Variants in DCC observed in about 807,000 individuals in gnomAD.
DCC encodes the protein DCC netrin 1 receptor, also known as netrin receptor DCC.
DCC carries 58 observed loss-of-function variants against 172.5 expected under a neutral mutation model. The observed-to-expected ratio is 0.34, with a 90% CI of 0.27 to 0.42. The LOEUF (loss-of-function observed/expected upper bound fraction) is 0.42. DCC is among the 10% of genes least tolerant of loss of function. DCC has a pLI of 1.00. For missense variants in DCC, 1,740 were observed against 1,791.0 expected (o/e 0.97, Z 0.51); for synonymous variants, 709 against 644.5 (o/e 1.10, Z -1.52).
chr18:52,780,027 A>T (rs1174200966), intron 2 of DCC, among the ~76,000 whole-genome samples: 2 of 151,356 alleles, frequency 1.3e-5, no homozygotes, highest in African/African-American at 2.4e-5. Flanking sequence ...GGGATTTCCA[A>T]TCTATGGATA....
chr18:52,678,923 T>A (rs2035693427), intron 1 of DCC, among the ~76,000 whole-genome samples: 1 of 152,030 alleles, frequency 6.6e-6, no homozygotes, highest in African/African-American at 2.4e-5. Flanking sequence ...ATTCACATAC[T>A]CCTCTTCATT....
chr18:52,686,917 C>T (rs1221324588), intron 1 of DCC, among the ~76,000 whole-genome samples: 1 of 152,034 alleles, frequency 6.6e-6, no homozygotes, highest in African/African-American at 2.4e-5. Context: ...TGTATTCTGA[C>T]TTGATGTCAT....
intron 1 of DCC, among the ~76,000 whole-genome samples, chr18:52,499,349 T>C (rs2030933486): frequency 6.6e-6 from 1 of 152,154 alleles, no homozygotes; most frequent in Admixed American, 6.5e-5. Flanking sequence ...GGGGGAAATG[T>C]GGATGTGAAG....
At chr18:53,226,844 TA>T (rs2056036471) in intron 12 of DCC, among the ~76,000 whole-genome samples, 1 of 150,000 alleles carries the variant, frequency 6.7e-6, no homozygotes, top group Admixed American at 6.7e-5. Flanking sequence ...ATTATTAACT[TA>T]AATAGTAAAT....
At chr18:52,651,011 CT>C (rs1490915693) in intron 1 of DCC, among the ~76,000 whole-genome samples, 1 of 152,098 alleles carries the variant, frequency 6.6e-6, no homozygotes, top group Non-Finnish European at 1.5e-5. Flanking sequence ...TGCTTTCATT[CT>C]TTTTTTATGA....
chr18:52,969,427 C>T (rs1174590733), intron 5 of DCC, among the ~76,000 whole-genome samples: 1 of 152,018 alleles, frequency 6.6e-6, no homozygotes, highest in Non-Finnish European at 1.5e-5. Context: ...TCATTCTTTC[C>T]CCTCACTTCC....
intron 1 of DCC, among the ~76,000 whole-genome samples, chr18:52,571,481 A>G (rs1225499304): frequency 6.6e-6 from 1 of 152,068 alleles, no homozygotes; most frequent in East Asian, 1.9e-4. Flanking sequence ...AAATTGATAG[A>G]ACAAAACTTT....
rs117572729 is a variant in DCC at position 52,395,748 on chromosome 18, G to A, written c.91+54870G>A. On this transcript the variant is annotated intron_variant, in intron 1 of 28. Coordinates refer to ENST00000442544, the MANE Select transcript of DCC (RefSeq NM_005215.4). ...CCAATGTTATTCTCCCAGATTTGGG[G>A]CATCACATCTATTACGGGTCATGGC... Among the ~76,000 whole-genome samples, 19 of 152,054 alleles carry A rather than the reference G, an allele frequency of 1.2e-4. 1 individual carries two copies. In the East Asian group the frequency reaches 3.3e-3, roughly 27 times the overall value.
At chr18:52,396,242 T>C (rs905001781) in intron 1 of DCC, among the ~76,000 whole-genome samples, 1 of 151,636 alleles carries the variant, frequency 6.6e-6, no homozygotes, top group Non-Finnish European at 1.5e-5. Flanking sequence ...TTTGTGAACT[T>C]CAATAATAAT....
intron 12 of DCC, among the ~76,000 whole-genome samples, chr18:53,271,134 T>C (rs1475051671): frequency 4.6e-5 from 7 of 152,132 alleles, no homozygotes; most frequent in Non-Finnish European, 7.4e-5. Flanking sequence ...TATCAGCCTA[T>C]ATAATACTAG....
intron 1 of DCC, among the ~76,000 whole-genome samples, chr18:52,450,436 A>T (rs1209205265): frequency 6.6e-6 from 1 of 152,210 alleles, no homozygotes; most frequent in Non-Finnish European, 1.5e-5. Flanking sequence ...TGTTCTGGGA[A>T]GGTCCAGACT....
At chr18:53,351,386 A>ACAC (rs2057802238) in intron 15 of DCC, among the ~76,000 whole-genome samples, 1 of 20,550 alleles carries the variant, frequency 4.9e-5, no homozygotes, top group Non-Finnish European at 9.0e-5. Context: ...TATATACAGT[A>ACAC]TATATATATA....
At chr18:53,361,538 T>C (rs934853021) in intron 15 of DCC, among the ~76,000 whole-genome samples, 29 of 152,292 alleles carry the variant, frequency 1.9e-4, no homozygotes, top group African/African-American at 7.0e-4. Flanking sequence ...TGAAGTTGGA[T>C]GAATAAGATG....
intron 12 of DCC, among the ~76,000 whole-genome samples, chr18:53,294,644 A>G (rs1598992590): frequency 6.6e-6 from 1 of 152,316 alleles, no homozygotes; most frequent in East Asian, 1.9e-4. Flanking sequence ...GATTAACAAA[A>G]TGAAGGGGGA....
chr18:53,316,359 T>C (rs1191576501), intron 13 of DCC, among the ~76,000 whole-genome samples: 1 of 152,174 alleles, frequency 6.6e-6, no homozygotes, highest in Non-Finnish European at 1.5e-5. Context: ...TACGGTAGCT[T>C]ATAGTATAGA....
intron 1 of DCC, among the ~76,000 whole-genome samples, chr18:52,513,747 C>T (rs1364499610): frequency 3.3e-5 from 5 of 152,082 alleles, no homozygotes; most frequent in African/African-American, 1.2e-4. Flanking sequence ...CAGATGCTAC[C>T]CAAAGCTATT....
intron 2 of DCC, among the ~76,000 whole-genome samples, chr18:52,901,057 C>T (rs534759426): frequency 2.0e-5 from 3 of 152,230 alleles, no homozygotes; most frequent in Admixed American, 6.5e-5. Flanking sequence ...TATAAACGAA[C>T]GTCTTTTTGA....
chr18:52,988,264 T>TA (rs11362874), intron 5 of DCC, among the ~76,000 whole-genome samples: 72 of 149,880 alleles, frequency 4.8e-4, no homozygotes, highest in Admixed American at 1.7e-3. Context: ...GGTGTTTCTG[T>TA]AAAAAAAAAA....
intron 1 of DCC, among the ~76,000 whole-genome samples, chr18:52,692,800 T>G (rs1413699355): frequency 6.6e-6 from 1 of 152,142 alleles, no homozygotes; most frequent in Admixed American, 6.6e-5. Flanking sequence ...TACCTATAGT[T>G]ATACCATTTA....
Sources: gnomAD v4.1 joint callset for allele counts (sites outside exome capture counted in the v4.1 genomes callset) on GRCh38, gnomAD v4.1.1 for gene constraint, MANE v1.5 for transcripts, NCBI Gene and HGNC (gene_info 2026-07-23, HGNC 2026-07-21) for gene names.